Variants in CREG1 observed in about 807,000 individuals in gnomAD.
CREG1 encodes the protein protein CREG1.
A neutral mutation model predicts 19.9 loss-of-function variants in CREG1; 20 were observed. The observed-to-expected ratio is 1.01, with a 90% CI of 0.71 to 1.46. The LOEUF is 1.46. Among genes scored for constraint, CREG1 ranks in the 40% most tolerant of loss-of-function variants. The probability of loss-of-function intolerance (pLI) is 0.00; values close to 1 mark genes in which losing one functional copy is unlikely to be tolerated. For missense variants in CREG1, 290 were observed against 314.9 expected, an observed-to-expected ratio of 0.92 and a Z score of 0.60; for synonymous variants, 141 against 143.3, an observed-to-expected ratio of 0.98 and a Z score of 0.12.
intron 2 of CREG1, among the ~76,000 whole-genome samples, chr1:167,547,792 G>A (rs370052965): frequency 1.1e-4 from 16 of 151,966 alleles, no homozygotes; most frequent in Admixed American, 2.0e-4. Flanking sequence ...GTGGTGGTGC[G>A]TGCCTGTAAT....
chr1:167,542,616 G>C (rs1170721914), intron 3 of CREG1, among the ~76,000 whole-genome samples: 2 of 152,210 alleles, frequency 1.3e-5, no homozygotes, highest in African/African-American at 4.8e-5. Context: ...CGTGGCTGCT[G>C]TTGTTATCTC....
chr1:167,543,805 CA>C (rs5778556), intron 3 of CREG1, among the ~76,000 whole-genome samples: 10,301 of 152,280 alleles, frequency 0.068, 442 homozygotes, highest in Middle Eastern at 0.13. Context: ...GGCCGCCTCT[CA>C]GGACAAGGGA....
At chr1:167,545,616 C>T (rs1395166826) in intron 3 of CREG1, among the ~76,000 whole-genome samples, 1 of 152,036 alleles carries the variant, frequency 6.6e-6, no homozygotes. Context: ...TGCCTGAGCT[C>T]AGGAGTTCGA....
intron 3 of CREG1, among the ~76,000 whole-genome samples, chr1:167,543,494 G>A (rs1558046113): frequency 1.3e-5 from 2 of 152,146 alleles, no homozygotes; most frequent in Non-Finnish European, 2.9e-5. Flanking sequence ...ACCGATCTGG[G>A]CAAGCCAAGC....
chr1:167,544,288 C>A (rs531055976), intron 3 of CREG1, among the ~76,000 whole-genome samples: 1 of 152,020 alleles, frequency 6.6e-6, no homozygotes, highest in African/African-American at 2.4e-5. Context: ...TGCTCTATGA[C>A]ACACACTGTC....
Position 167,542,191 on chromosome 1 carries a change from C to T in CREG1, c.*107G>A. On this transcript the variant is annotated 3_prime_UTR_variant, in exon 4 of 4. Transcript: ENST00000370509. Reference sequence around the variant, plus strand: ...AAACAAACCAGCATGTGACAGAAAACTGGCTAATATTCTGGGACGCTTTCC... The same window carrying T: ...AAACAAACCAGCATGTGACAGAAAATTGGCTAATATTCTGGGACGCTTTCC... 1 of 984,836 alleles carries T rather than the reference C, an allele frequency of 1.0e-6. No homozygotes were observed. The highest frequency in any genetic ancestry group is 2.0e-5 in the South Asian group (1 of 50,324). The allele number at this position is 984,836 out of a possible 1,614,324, so 61.0% of individuals were successfully genotyped here.
rs1656237783 is a variant in CREG1, at chr1:167,542,134, C to T, written c.*164G>A. The T allele has an allele frequency of 6.9e-6, 4 of 576,918 alleles. No homozygotes were observed. Among genetic ancestry groups the T allele is most frequent in the Non-Finnish European group, 1.2e-5 (4 of 340,942 alleles). The allele number at this position is 576,918 out of a possible 1,614,324, so 35.7% of individuals were successfully genotyped here. On this transcript the variant is annotated 3_prime_UTR_variant, in exon 4 of 4. Coordinates refer to ENST00000370509, the MANE Select transcript of CREG1 (RefSeq NM_003851.3). ...CAGGAAATCCAATAACAGGTCAACT[C>T]TATTGGTAAACAAGCAAGTAAACAA...
chr1:167,552,623 T>G (rs562673225), intron 1 of CREG1, among the ~76,000 whole-genome samples: 1 of 152,338 alleles, frequency 6.6e-6, no homozygotes, highest in East Asian at 1.9e-4. Context: ...GTCCATGATA[T>G]TGTACGTTAG....
Position 167,553,706 on chromosome 1 carries a change from C to T in CREG1, c.36G>A (p.Leu12=). ...AGLSRGSARA[L]LAALLASTLL... ...GCGTCGACGCCAGCAGGGCGGCGAG[C>T]AGTGCGCGCGCGGACCCGCGGGATA... The change falls in exon 1 of 4, where the codon CTG becomes CTA. Residue 12 remains leucine (L), a synonymous_variant. Coordinates refer to ENST00000370509, the MANE Select transcript of CREG1 (RefSeq NM_003851.3). 1 of 1,305,948 alleles carries T rather than the reference C, an allele frequency of 7.7e-7. No individual in the cohort carries two copies. The highest frequency in any genetic ancestry group is 3.1e-5 in the East Asian group (1 of 32,136). 80.9% of individuals were successfully genotyped at this position (1,305,948 alleles called of 1,614,324 possible).
chr1:167,549,416 G>C (rs1356978992), intron 1 of CREG1, among the ~76,000 whole-genome samples: 1 of 148,802 alleles, frequency 6.7e-6, no homozygotes, highest in African/African-American at 2.5e-5. Context: ...ACGGAGTCTT[G>C]CTCTGTCACC....
intron 2 of CREG1, 110 bp from the exon 3 acceptor site, chr1:167,546,395 G>T: frequency 1.4e-6 from 1 of 710,848 alleles, no homozygotes; most frequent in Non-Finnish European, 2.2e-6. Context: ...TGTAATCCCA[G>T]CACTTTGGAA....
At position 167,546,107 on chromosome 1, in the gene CREG1, G is replaced by A. The variant is rs1308516313; in HGVS notation, c.653C>T (p.Thr218Ile). 1 of 1,600,132 alleles carries A rather than the reference G, an allele frequency of 6.2e-7. No homozygotes were observed. Among genetic ancestry groups the A allele is most frequent in the Non-Finnish European group, 8.5e-7 (1 of 1,173,634 alleles). ...AAGATGTGTAAGTACTTACTGAACT[G>A]TGACATTATAATATTCTTCTGGTGT... ...IVTPEEYYNV[T>I]VQ Residue 218 changes from threonine (T) to isoleucine (I), a missense_variant, in exon 3 of 4, where the codon ACA becomes ATA. By Grantham distance (89) the Thr-to-Ile change is moderately conservative. Transcript: ENST00000370509.
chr1:167,553,365 G>T, intron 1 of CREG1, 23 bp downstream of exon 1: 1 of 1,351,158 alleles, frequency 7.4e-7, no homozygotes, highest in African/African-American at 1.5e-5. Context: ...GCCCGCCTGG[G>T]GAAGCCGCGG....
At chr1:167,545,385 T>C (rs1656299557) in intron 3 of CREG1, among the ~76,000 whole-genome samples, 1 of 152,196 alleles carries the variant, frequency 6.6e-6, no homozygotes, top group Non-Finnish European at 1.5e-5. Flanking sequence ...ATCATTTCCT[T>C]CAATAATGAA....
chr1:167,542,505 G>A (rs1384788333), intron 3 of CREG1, among the ~76,000 whole-genome samples: 3 of 152,196 alleles, frequency 2.0e-5, no homozygotes, highest in African/African-American at 4.8e-5. Flanking sequence ...GGTTGAGGGT[G>A]GGGCCTAGGA....
At chr1:167,546,320 C>T in intron 2 of CREG1, 35 bp from the exon 3 acceptor site, 1 of 1,357,768 alleles carries the variant, frequency 7.4e-7, no homozygotes, top group Non-Finnish European at 1.0e-6. Flanking sequence ...ATTCTTATGG[C>T]AGTAACACTT....
Position 167,548,194 on chromosome 1 carries a change from A to G in CREG1, c.355-73T>C, listed in dbSNP as rs921039263. 2.9e-5 allele frequency: 36 copies of G among 1,248,574 alleles called. No individual in the cohort carries two copies. In the East Asian group the frequency reaches 3.3e-4, roughly 11 times the overall value. The allele number at this position is 1,248,574 out of a possible 1,614,324, so 77.3% of individuals were successfully genotyped here. A position where few individuals can be genotyped will look rare whatever the true frequency, so the allele number is the denominator to read the frequency against. On this transcript the variant is annotated intron_variant, in intron 1 of 3. Coordinates refer to ENST00000370509, the MANE Select transcript of CREG1 (RefSeq NM_003851.3). ...AGAGGTAATAAATTTCAAAAGTTGC[A>G]TACATGATGTCCCTAGAGCTTGACT...
At chr1:167,551,257 G>C (rs1401136129) in intron 1 of CREG1, among the ~76,000 whole-genome samples, 2 of 152,198 alleles carry the variant, frequency 1.3e-5, no homozygotes, top group African/African-American at 4.8e-5. Flanking sequence ...AGGTCTTTTT[G>C]TTCCTTCTGA....
rs1421375462 is a variant in CREG1, at chr1:167,541,365, T to G, written c.*933A>C. On this transcript the variant is annotated 3_prime_UTR_variant, in exon 4 of 4. Transcript: ENST00000370509. ...GCAGCACTAGAAGCTATTAAGAGAT[T>G]TGGGGCAGTTGAGGAAGCCTTAGGT... 6.6e-6 allele frequency: 1 copy of G among 152,228 alleles called. No homozygotes were observed. 9.4% of individuals were successfully genotyped at this position (152,228 alleles called of 1,614,324 possible).
Sources: allele counts gnomAD v4.1 joint callset (sites outside exome capture counted in the v4.1 genomes callset), GRCh38; gene constraint gnomAD v4.1.1; transcripts MANE v1.5; gene names NCBI Gene and HGNC (gene_info 2026-07-23, HGNC 2026-07-21).